Variants in CTNNA3 observed in about 807,000 individuals in gnomAD.
CTNNA3 encodes the protein catenin alpha 3, also known as catenin alpha-3.
CTNNA3 carries 76 observed loss-of-function variants against 95.7 expected under a neutral mutation model. The ratio of observed to expected loss-of-function variants is 0.79; its 90% confidence interval spans 0.66 to 0.96. The LOEUF (loss-of-function observed/expected upper bound fraction) is 0.96. Among genes scored for constraint, CTNNA3 ranks in the 40% least tolerant of loss-of-function variants. CTNNA3 has a pLI of 0.00. For missense variants in CTNNA3, 1,191 were observed against 1,089.8 expected, an observed-to-expected ratio of 1.09 and a Z score of -1.31; for synonymous variants, 431 against 374.4, an observed-to-expected ratio of 1.15 and a Z score of -1.74.
At chr10:67,523,636 CGT>C (rs1376700502) in intron 4 of CTNNA3, among the ~76,000 whole-genome samples, 1 of 152,054 alleles carries the variant, frequency 6.6e-6, no homozygotes, top group East Asian at 1.9e-4. Context: ...ACGTAGAAGA[CGT>C]AAGACAATTT....
rs181323300 is a variant in CTNNA3 at position 66,896,844 on chromosome 10, C to T, written c.1048-121320G>A. Among the ~76,000 whole-genome samples the T allele has an allele frequency of 7.4e-4, 112 of 152,290 alleles. 2 individuals are homozygous for T. The highest frequency in any genetic ancestry group is 2.6e-3 in the African/African-American group (106 of 41,552). ...TAACTTCTGACCATTCTGTAGGAGT[C>T]GGCTCAAGGCCTCTCAGTCTTGAGT... On this transcript the variant is annotated intron_variant, in intron 7 of 17. Transcript: ENST00000433211.
chr10:67,206,590 G>A (rs1342476376), intron 6 of CTNNA3, among the ~76,000 whole-genome samples: 1 of 149,706 alleles, frequency 6.7e-6, no homozygotes, highest in African/African-American at 2.5e-5. Flanking sequence ...GAGGGAGGAA[G>A]AAAAACAAAG....
intron 5 of CTNNA3, among the ~76,000 whole-genome samples, chr10:67,467,052 C>A (rs1165469362): frequency 6.6e-6 from 1 of 152,018 alleles, no homozygotes; most frequent in Non-Finnish European, 1.5e-5. Flanking sequence ...GTGGGAGGAT[C>A]ACATAAGCCC....
At chr10:66,065,353 T>C (rs10822702) in intron 15 of CTNNA3, among the ~76,000 whole-genome samples, 44,394 of 151,756 alleles carry the variant, frequency 0.29, 6,978 homozygotes, top group South Asian at 0.43. Flanking sequence ...CTCTTTCCCT[T>C]CAGCCTAAAA....
At chr10:67,364,719 A>G (rs1843140337) in intron 5 of CTNNA3, among the ~76,000 whole-genome samples, 1 of 152,172 alleles carries the variant, frequency 6.6e-6, no homozygotes, top group African/African-American at 2.4e-5. Context: ...CCAACAAAAT[A>G]AAAGAGGACA....
At chr10:67,024,385 C>T (rs1853222041) in intron 7 of CTNNA3, among the ~76,000 whole-genome samples, 2 of 152,206 alleles carry the variant, frequency 1.3e-5, no homozygotes, top group South Asian at 4.1e-4. Context: ...GTGAGCCCAC[C>T]TGGATAATCC....
intron 12 of CTNNA3, among the ~76,000 whole-genome samples, chr10:66,282,914 T>G (rs72799159): frequency 0.05 from 7,606 of 151,854 alleles, 339 homozygotes; most frequent in African/African-American, 0.12. Context: ...ATGAATTAAT[T>G]AATTAATATG....
chr10:67,078,524 T>C (rs1856858053), intron 7 of CTNNA3, among the ~76,000 whole-genome samples: 1 of 152,078 alleles, frequency 6.6e-6, no homozygotes, highest in African/African-American at 2.4e-5. Flanking sequence ...TTTTTATTAT[T>C]ATTATTATTT....
At chr10:67,017,543 G>A (rs890779762) in intron 7 of CTNNA3, among the ~76,000 whole-genome samples, 1 of 152,114 alleles carries the variant, frequency 6.6e-6, no homozygotes, top group Admixed American at 6.6e-5. Flanking sequence ...CTATGGTTCG[G>A]CCTTTAAGAA....
At chr10:66,871,633 A>G (rs1844414908) in intron 7 of CTNNA3, among the ~76,000 whole-genome samples, 1 of 151,872 alleles carries the variant, frequency 6.6e-6, no homozygotes, top group Non-Finnish European at 1.5e-5. Context: ...ATGGACAAAG[A>G]ATTCCCATCA....
intron 11 of CTNNA3, among the ~76,000 whole-genome samples, chr10:66,397,439 C>G (rs2092987769): frequency 6.6e-6 from 1 of 151,618 alleles, no homozygotes; most frequent in South Asian, 2.1e-4. Context: ...CTCTCTTTGC[C>G]CACCAAATGA....
intron 3 of CTNNA3, among the ~76,000 whole-genome samples, chr10:67,598,131 C>T (rs1842979695): frequency 1.3e-5 from 2 of 152,098 alleles, no homozygotes; most frequent in South Asian, 2.1e-4. Flanking sequence ...CCAAAACCAC[C>T]TAGAGGAGTA....
intron 11 of CTNNA3, among the ~76,000 whole-genome samples, chr10:66,413,671 C>G (rs1451565665): frequency 1.3e-5 from 2 of 152,166 alleles, no homozygotes; most frequent in Non-Finnish European, 2.9e-5. Context: ...CATGGAAATA[C>G]AATCTCAGGA....
chr10:67,387,359 A>T (rs1372344680), intron 5 of CTNNA3, among the ~76,000 whole-genome samples: 1 of 152,152 alleles, frequency 6.6e-6, no homozygotes, highest in Non-Finnish European at 1.5e-5. Context: ...AGGGGCTTAA[A>T]AAACGGCGCA....
rs149707232 is a variant in CTNNA3 at position 66,406,976 on chromosome 10, T to C, written c.1532-27624A>G. On this transcript the variant is annotated intron_variant, in intron 11 of 17. Transcript: ENST00000433211. ...AATAAAATTTTCTTTCAAAGGATTTTATTTACATAGAACTAATTAATTTAC... is the reference window on the plus strand; with the variant it reads ...AATAAAATTTTCTTTCAAAGGATTTCATTTACATAGAACTAATTAATTTAC... Among the ~76,000 whole-genome samples, 19 of 152,298 alleles carry C rather than the reference T, an allele frequency of 1.2e-4. No individual in the cohort carries two copies. In the East Asian group the frequency reaches 3.7e-3, roughly 29 times the overall value.
chr10:66,790,399 G>C (rs969780196), intron 7 of CTNNA3, among the ~76,000 whole-genome samples: 2 of 152,056 alleles, frequency 1.3e-5, no homozygotes, highest in African/African-American at 4.8e-5. Context: ...CGAGATAACA[G>C]TGAGCCGAGA....
intron 1 of CTNNA3, among the ~76,000 whole-genome samples, chr10:67,659,474 G>A (rs964131466): frequency 6.6e-6 from 1 of 152,142 alleles, no homozygotes; most frequent in East Asian, 1.9e-4. Context: ...TCTACTTAAG[G>A]ACATTTTGTA....
intron 7 of CTNNA3, among the ~76,000 whole-genome samples, chr10:67,057,361 A>G (rs1162339336): frequency 1.3e-5 from 2 of 152,090 alleles, no homozygotes; most frequent in Admixed American, 1.3e-4. Flanking sequence ...CATGCTGTGC[A>G]TGGTCTTCAG....
chr10:66,846,371 G>C (rs1490715294), intron 7 of CTNNA3, among the ~76,000 whole-genome samples: 2 of 151,970 alleles, frequency 1.3e-5, no homozygotes, highest in African/African-American at 4.8e-5. Flanking sequence ...AGATAAATAA[G>C]TTTTGGAGAT....
Sources: gnomAD v4.1 joint callset for allele counts (sites outside exome capture counted in the v4.1 genomes callset) on GRCh38, gnomAD v4.1.1 for gene constraint, MANE v1.5 for transcripts, NCBI Gene and HGNC (gene_info 2026-07-23, HGNC 2026-07-21) for gene names.